SURF2: variants seen among roughly 807,000 people sequenced by gnomAD.
SURF2 encodes the protein surfeit locus protein 2.
In SURF2, 32 loss-of-function variants were observed where a neutral mutation model predicts 26.2. The ratio of observed to expected loss-of-function variants is 1.22; its 90% CI spans 0.92 to 1.64. SURF2 has a LOEUF of 1.64. Ranked by LOEUF, SURF2 falls within the 40% of genes most tolerant of loss-of-function variation. The probability of loss-of-function intolerance (pLI) is 0.00; values close to 1 mark genes in which losing one functional copy is unlikely to be tolerated. For synonymous variants in SURF2, 173 were observed against 139.1 expected, an observed-to-expected ratio of 1.24 and a Z score of -1.71; for missense variants, 415 against 341.6, an observed-to-expected ratio of 1.21 and a Z score of -1.69.
intron 2 of SURF2, 150 bp from the exon 3 acceptor site, chr9:133,357,561 C>T (rs1836641727): frequency 2.9e-6 from 2 of 696,726 alleles, no homozygotes; most frequent in South Asian, 1.8e-5. Context: ...GTTCCCCACC[C>T]AGCTTCAGAG....
intron 3 of SURF2, 60 bp downstream of exon 3, chr9:133,357,874 C>T: frequency 1.3e-6 from 2 of 1,537,084 alleles, no homozygotes; most frequent in Non-Finnish European, 1.8e-6. Flanking sequence ...CGCCTTGCCC[C>T]AGATGGAGCG....
chr9:133,357,711 G>T lies in SURF2; in HGVS notation c.234G>T (p.Pro78=), dbSNP rs2130035719. 2 of 1,613,726 alleles carry T rather than the reference G, an allele frequency of 1.2e-6. No individual in the cohort carries two copies. Among genetic ancestry groups the T allele is most frequent in the South Asian group, 2.2e-5 (2 of 91,082 alleles). ...EPHIVPSTKN[P]HQLFCKLTLR... The stretch of plus-strand genomic sequence containing the variant: ...CAAATTTGGTCTCTCTGCTCTGTAG[G>T]CACCAGTTGTTCTGCAAACTCACCC... Residue 78 remains proline (P), a splice_region_variant and synonymous_variant, in exon 3 of 6, where the codon CCG becomes CCT. Coordinates refer to ENST00000371964, the MANE Select transcript of SURF2 (RefSeq NM_017503.5).
intron 3 of SURF2, among the ~76,000 whole-genome samples, chr9:133,359,365 A>G (rs1836689497): frequency 6.6e-6 from 1 of 152,182 alleles, no homozygotes; most frequent in African/African-American, 2.4e-5. Flanking sequence ...TGATGATGGT[A>G]GCTGCGCTGG....
intron 2 of SURF2, among the ~76,000 whole-genome samples, chr9:133,357,502 G>C (rs958100529): frequency 1.3e-5 from 2 of 152,094 alleles, no homozygotes; most frequent in Non-Finnish European, 2.9e-5. Context: ...GCTGCCATGC[G>C]TGCTTTTCCG....
At position 133,360,335 on chromosome 9, in the gene SURF2, CAA is replaced by C. The variant is rs1209724487; in HGVS notation, c.590_591del (p.Lys197ArgfsTer3). The C allele has an allele frequency of 6.2e-7, 1 of 1,614,076 alleles. No homozygotes were observed. The highest frequency in any genetic ancestry group is 1.3e-5 in the African/African-American group (1 of 74,998). On this transcript the variant is annotated frameshift_variant, in exon 5 of 6. Coordinates refer to ENST00000371964, the MANE Select transcript of SURF2 (RefSeq NM_017503.5). LOFTEE classifies it high-confidence loss of function. Reference sequence around the variant, plus strand: ...ATGGCACTGATGACTTTTTGACAGACAAAGAGGATGAGAAGGCAAAGCCCCCA... The same window carrying C: ...ATGGCACTGATGACTTTTTGACAGACAGAGGATGAGAAGGCAAAGCCCCCA... Reference protein sequence around the residue: ...GDGTDDFLTDKEDEKAKPPRE... With the variant: ...GDGTDDFLTDXEDEKAKPPRE...
intron 3 of SURF2, among the ~76,000 whole-genome samples, chr9:133,359,698 T>G (rs1836701831): frequency 6.6e-6 from 1 of 152,218 alleles, no homozygotes; most frequent in African/African-American, 2.4e-5. Context: ...TAGGCCTGGC[T>G]AGATCGGGGA....
At position 133,360,391 on chromosome 9, in the gene SURF2, G is replaced by A; in HGVS notation, c.644G>A (p.Arg215Lys). 1 of 1,613,122 alleles carries A rather than the reference G, an allele frequency of 6.2e-7. No homozygotes were observed. The part of the protein sequence containing the change: ...PREKATDEGR[R>K]ETTVYRGLVQ... ...GAGAAGGCCACTGATGAGGGCAGGA[G>A]AGAGACGACCGTGTACCGAGGGCTG... is the stretch of plus-strand genomic sequence containing the variant. The change falls in exon 5 of 6, where the codon AGA becomes AAA. Residue 215 changes from arginine (R) to lysine (K), a missense_variant. By Grantham distance (26) the Arg-to-Lys change is conservative. Coordinates refer to ENST00000371964, the MANE Select transcript of SURF2 (RefSeq NM_017503.5).
chr9:133,356,757 C>CAGGGGAGAGGGGAG, intron 1 of SURF2, 87 bp downstream of exon 1: 3 of 1,340,158 alleles, frequency 2.2e-6, no homozygotes, highest in Non-Finnish European at 2.9e-6. Context: ...GAGGAGAGGG[C>CAGGGGAGAGGGGAG]AGGGGAGAGG....
Position 133,356,657 on chromosome 9 carries a change from C to A in SURF2, c.65C>A (p.Thr22Lys), listed in dbSNP as rs1836604198. The change falls in exon 1 of 6, where the codon ACG (threonine) becomes AAG (lysine). Residue 22 changes from threonine (T) to lysine (K), a missense_variant. By Grantham distance (78) the Thr-to-Lys change is moderately conservative (BLOSUM62 -1). Transcript: ENST00000371964. The stretch of plus-strand genomic sequence containing the variant: ...GAGCACCCGAGCCTGCGGCTCCAGA[C>A]GGACGCCCGCAAGGTTCGCAGCGCG... ...LREHPSLRLQ[T>K]DARKVRCILT... 1 of 1,521,594 alleles carries A rather than the reference C, an allele frequency of 6.6e-7. No individual in the cohort carries two copies. Among genetic ancestry groups the A allele is most frequent in the Non-Finnish European group, 8.8e-7 (1 of 1,141,578 alleles). The allele number at this position is 1,521,594 out of a possible 1,614,324, so 94.3% of individuals were successfully genotyped here.
At chr9:133,356,776 G>C in intron 1 of SURF2, 106 bp downstream of exon 1, 2 of 1,362,730 alleles carry the variant, frequency 1.5e-6, no homozygotes, top group Non-Finnish European at 1.9e-6. Flanking sequence ...GGGGAGAGGG[G>C]AGAGCAGGAG....
Position 133,357,023 on chromosome 9 carries a change from A to G in SURF2, c.188A>G (p.Asp63Gly), listed in dbSNP as rs1462348315. The G allele has an allele frequency of 8.9e-6, 14 of 1,575,822 alleles. No individual in the cohort carries two copies. Among genetic ancestry groups the G allele is most frequent in the African/African-American group, 1.3e-5 (1 of 74,308 alleles). ...QRLVRASPAF[D>G]YAEFEPHIVP... ...CTGGTCCGCGCCTCCCCGGCCTTCG[A>G]CTATGCAGAGTTCGAGCCGCACATC... The change falls in exon 2 of 6, where the codon GAC (aspartate) becomes GGC (glycine). Residue 63 changes from aspartate to glycine, a missense_variant. Asp to Gly is a moderately conservative substitution (Grantham distance 94). Transcript: ENST00000371964.
Position 133,360,384 on chromosome 9 carries a change from G to GAAGGCCACTGATGAGA in SURF2, c.637_638insAAGGCCACTGATGAGA (p.Gly213GlufsTer4), listed in dbSNP as rs1836733499. ...CCCAAGAGAGAAGGCCACTGATGAG[G>GAAGGCCACTGATGAGA]GCAGGAGAGAGACGACCGTGTACCG... On this transcript the variant is annotated stop_gained and frameshift_variant, in exon 5 of 6. Coordinates refer to ENST00000371964, the MANE Select transcript of SURF2 (RefSeq NM_017503.5). LOFTEE classifies it low-confidence loss of function (END_TRUNC). The GAAGGCCACTGATGAGA allele has an allele frequency of 3.1e-6, 5 of 1,612,978 alleles. No individual in the cohort carries two copies. The Admixed American group carries it at 8.3e-5, about 27-fold the overall frequency.
rs369306757 is a variant in SURF2, at chr9:133,360,336, A to C, written c.589A>C (p.Lys197Gln). ...TGGCACTGATGACTTTTTGACAGACAAAGAGGATGAGAAGGCAAAGCCCCC... is the reference window on the plus strand; with the variant it reads ...TGGCACTGATGACTTTTTGACAGACCAAGAGGATGAGAAGGCAAAGCCCCC... ...GDGTDDFLTD[K>Q]EDEKAKPPRE... is the part of the protein sequence containing the mutation. Residue 197 changes from lysine (K) to glutamine (Q), a missense_variant, in exon 5 of 6, where the codon AAA becomes CAA. Coordinates refer to ENST00000371964, the MANE Select transcript of SURF2 (RefSeq NM_017503.5). 8 of 1,614,056 alleles carry C rather than the reference A, an allele frequency of 5.0e-6. No homozygotes were observed. The highest frequency in any genetic ancestry group is 2.7e-5 in the African/African-American group (2 of 74,922).
intron 3 of SURF2, 91 bp downstream of exon 3, chr9:133,357,905 T>G (rs2130037519): frequency 7.8e-7 from 1 of 1,286,718 alleles, no homozygotes; most frequent in South Asian, 1.3e-5. Context: ...CAGGTCGTCC[T>G]TCAGCGATCC....
In SURF2 at chr9:133,357,707, G is replaced by C. The variant is rs2130035696; in HGVS notation, c.234-4G>C. On this transcript the variant is annotated splice_polypyrimidine_tract_variant and splice_region_variant and intron_variant, in intron 2 of 5. Transcript: ENST00000371964. ...CCTACAAATTTGGTCTCTCTGCTCT[G>C]TAGGCACCAGTTGTTCTGCAAACTC... The C allele has an allele frequency of 6.2e-7, 1 of 1,613,712 alleles. No homozygotes were observed. Among genetic ancestry groups the C allele is most frequent in the Admixed American group, 1.7e-5 (1 of 60,024 alleles).
Position 133,360,372 on chromosome 9 carries a change from GCCACTGAT to G in SURF2, c.626_633del (p.Ala209GlyfsTer42), listed in dbSNP as rs1221990716. Reference sequence around the variant, plus strand: ...GAAGGCAAAGCCCCCAAGAGAGAAGGCCACTGATGAGGGCAGGAGAGAGACGACCGTGT... The same window carrying G: ...GAAGGCAAAGCCCCCAAGAGAGAAGGGAGGGCAGGAGAGAGACGACCGTGT... On this transcript the variant is annotated frameshift_variant, in exon 5 of 6. Coordinates refer to ENST00000371964, the MANE Select transcript of SURF2 (RefSeq NM_017503.5). LOFTEE classifies it high-confidence loss of function. 1.9e-6 allele frequency: 3 copies of G among 1,613,764 alleles called. No homozygotes were observed. Among genetic ancestry groups the G allele is most frequent in the Non-Finnish European group, 8.5e-7 (1 of 1,180,024 alleles).
intron 3 of SURF2, among the ~76,000 whole-genome samples, chr9:133,358,023 A>G (rs2130038052): frequency 6.7e-6 from 1 of 148,746 alleles, no homozygotes; most frequent in African/African-American, 2.6e-5. Context: ...CAGGCTCGGG[A>G]GTGAGTGAGT....
rs1836653536 is a variant in SURF2 at position 133,357,925 on chromosome 9, C to G, written c.337+111C>G. The G allele has an allele frequency of 3.9e-6, 4 of 1,015,842 alleles. No individual in the cohort carries two copies. The East Asian group carries it at 1.0e-4, about 26-fold the overall frequency. The allele number at this position is 1,015,842 out of a possible 1,614,324, so 62.9% of individuals were successfully genotyped here. On this transcript the variant is annotated intron_variant, in intron 3 of 5. Transcript: ENST00000371964. ...CGTCCTTCAGCGATCCGTGTTGATG[C>G]ATCAGGCCTGTTTTTTGGCACAGTG...
At chr9:133,357,837 CA>C in intron 3 of SURF2, 23 bp downstream of exon 3, 1 of 1,608,904 alleles carries the variant, frequency 6.2e-7, no homozygotes, top group Non-Finnish European at 8.5e-7. Context: ...GGACCCCCAT[CA>C]GTGCATCGCC....
Sources: allele counts gnomAD v4.1 joint callset (sites outside exome capture counted in the v4.1 genomes callset), GRCh38; gene constraint gnomAD v4.1.1; transcripts MANE v1.5; gene names NCBI Gene and HGNC (gene_info 2026-07-23, HGNC 2026-07-21).